The following ZNF175 variants were observed in gnomAD, a reference collection of about 807,000 sequenced individuals.
ZNF175 encodes the protein zinc finger protein OTK18.
A neutral mutation model predicts 14.0 loss-of-function variants in ZNF175; 8 were observed. The ratio of observed to expected loss-of-function variants is 0.57; its 90% confidence interval spans 0.34 to 1.03. ZNF175 has a LOEUF of 1.03. Ranked by LOEUF, ZNF175 falls within the 50% of genes least tolerant of loss-of-function variation. The pLI, the probability that ZNF175 is intolerant of heterozygous loss-of-function variation, is 0.03. For synonymous variants in ZNF175, 255 were observed against 296.8 expected, an observed-to-expected ratio of 0.86 and a Z score of 1.45; for missense variants, 764 against 849.5, an observed-to-expected ratio of 0.90 and a Z score of 1.25.
chr19:51,573,413 C>A lies in ZNF175; in HGVS notation c.72+12C>A. On this transcript the variant is annotated intron_variant, in intron 2 of 4. Transcript: ENST00000262259. Reference sequence around the variant, plus strand: ...ATGGATCTTGCGAGGTAAACAGGGGCAGCCCTGGGGATAGTTCTCCAGAAC... The same window carrying A: ...ATGGATCTTGCGAGGTAAACAGGGGAAGCCCTGGGGATAGTTCTCCAGAAC... 1 of 1,612,646 alleles carries A rather than the reference C, an allele frequency of 6.2e-7. No homozygotes were observed. The highest frequency in any genetic ancestry group is 1.3e-5 in the African/African-American group (1 of 74,914).
chr19:51,587,725 A>C lies in ZNF175; in HGVS notation c.1394A>C (p.His465Pro). The C allele has an allele frequency of 1.9e-6, 3 of 1,614,214 alleles. No individual in the cohort carries two copies. Among genetic ancestry groups the C allele is most frequent in the Non-Finnish European group, 2.5e-6 (3 of 1,180,026 alleles). Reference sequence around the variant, plus strand: ...ATCCAGAAGGCACACCTGATTGTCCATCAAAGAAGCCACACAGGAGAAAAA... The same window carrying C: ...ATCCAGAAGGCACACCTGATTGTCCCTCAAAGAAGCCACACAGGAGAAAAA... The part of the protein sequence containing the change: ...AFIQKAHLIV[H>P]QRSHTGEKPY... Residue 465 changes from histidine (H) to proline (P), a missense_variant, in exon 5 of 5, where the codon CAT becomes CCT. By Grantham distance (77) the His-to-Pro change is moderately conservative. Transcript: ENST00000262259.
In ZNF175 at chr19:51,586,838, A is replaced by T; in HGVS notation, c.507A>T (p.Thr169=). 6.2e-7 allele frequency: 1 copy of T among 1,614,224 alleles called. No homozygotes were observed. Among genetic ancestry groups the T allele is most frequent in the South Asian group, 1.1e-5 (1 of 91,086 alleles). ...TCTTCAACAAGAAAACATTGAACAC[A>T]GAAAGCAATTGTGAATATAAGGACC... The part of the protein sequence containing the change: ...SAFFNKKTLN[T]ESNCEYKDPG... Residue 169 remains threonine, a synonymous_variant, in exon 5 of 5, where the codon ACA becomes ACT. Coordinates refer to ENST00000262259, the MANE Select transcript of ZNF175 (RefSeq NM_007147.4).
At position 51,588,539 on chromosome 19, in the gene ZNF175, G is replaced by T. The variant is rs79610814; in HGVS notation, c.*72G>T. On this transcript the variant is annotated 3_prime_UTR_variant, in exon 5 of 5. Coordinates refer to ENST00000262259, the MANE Select transcript of ZNF175 (RefSeq NM_007147.4). Reference sequence around the variant, plus strand: ...TCTTGAAGAAGAGAAAATCTTCTCAGAATCAGGTCTAATTATATGTTATTG... The same window carrying T: ...TCTTGAAGAAGAGAAAATCTTCTCATAATCAGGTCTAATTATATGTTATTG... 0.015 allele frequency: 22,023 copies of T among 1,454,000 alleles called. 796 individuals are homozygous for T. The highest frequency in any genetic ancestry group is 0.15 in the East Asian group (6,372 of 43,236). 90.1% of individuals were successfully genotyped at this position (1,454,000 alleles called of 1,614,324 possible).
At position 51,588,914 on chromosome 19, in the gene ZNF175, C is replaced by A. The variant is rs187167405; in HGVS notation, c.*447C>A. ...GGACAATATTTTATGTGTGTGTGTG[C>A]GCCTTATGTATATAAGCATATATAT... On this transcript the variant is annotated 3_prime_UTR_variant, in exon 5 of 5. Transcript: ENST00000262259. 4 of 392,578 alleles carry A rather than the reference C, an allele frequency of 1.0e-5. No homozygotes were observed. Among genetic ancestry groups the A allele is most frequent in the African/African-American group, 2.1e-5 (1 of 48,336 alleles). The allele number at this position is 392,578 out of a possible 1,614,324, so 24.3% of individuals were successfully genotyped here.
rs60314341 is a variant in ZNF175, at chr19:51,572,621, G to A, written c.-180-529G>A. On this transcript the variant is annotated intron_variant, in intron 1 of 4. Coordinates refer to ENST00000262259, the MANE Select transcript of ZNF175 (RefSeq NM_007147.4). ...TGGCCACGTATGGGTACATGAGATA[G>A]TGGAGACAGTGTACAGTTTAGAACA... 2.6e-3 allele frequency among the ~76,000 whole-genome samples: 401 copies of A among 152,296 alleles called. 16 individuals are homozygous for A. The East Asian group carries it at 0.046, about 17-fold the overall frequency.
At position 51,574,795 on chromosome 19, in the gene ZNF175, C is replaced by T. The variant is rs937765721; in HGVS notation, c.72+1394C>T. The stretch of plus-strand genomic sequence containing the variant: ...GTGTTCAGAACATCTTCAAGTTTAG[C>T]GTTTTAGGACACATGTTCAATATAA... On this transcript the variant is annotated intron_variant, in intron 2 of 4. Coordinates refer to ENST00000262259, the MANE Select transcript of ZNF175 (RefSeq NM_007147.4). Among the ~76,000 whole-genome samples, 8 of 152,176 alleles carry T rather than the reference C, an allele frequency of 5.3e-5. 1 individual carries two copies. Among genetic ancestry groups the T allele is most frequent in the Admixed American group, 3.3e-4 (5 of 15,282 alleles).
At position 51,588,606 on chromosome 19, in the gene ZNF175, T is replaced by C; in HGVS notation, c.*139T>C. 5 of 891,276 alleles carry C rather than the reference T, an allele frequency of 5.6e-6. No individual in the cohort carries two copies. Among genetic ancestry groups the C allele is most frequent in the Non-Finnish European group, 7.9e-6 (5 of 630,828 alleles). The allele number at this position is 891,276 out of a possible 1,614,324, so 55.2% of individuals were successfully genotyped here. A position where few individuals can be genotyped will look rare whatever the true frequency, so the allele number is the denominator to read the frequency against. ...AAACTCTAGGGATGCACTGCATGTG[T>C]GAACACATGATAAAAAAGTCATGCT... On this transcript the variant is annotated 3_prime_UTR_variant, in exon 5 of 5. Coordinates refer to ENST00000262259, the MANE Select transcript of ZNF175 (RefSeq NM_007147.4).
Position 51,575,208 on chromosome 19 carries a change from G to GTTTTTTTTTTTTTTTTTTT in ZNF175, c.72+1807_72+1808insTTTTTTTTTTTTTTTTTTT, listed in dbSNP as rs1491081799. On this transcript the variant is annotated intron_variant, in intron 2 of 4. Coordinates refer to ENST00000262259, the MANE Select transcript of ZNF175 (RefSeq NM_007147.4). ...GGTTTAGCCTCCGGATTTTTAGAGAGGTTTTTTTTTTTTTTTTTTTTTTTT... is the reference window on the plus strand; with the variant it reads ...GGTTTAGCCTCCGGATTTTTAGAGAGTTTTTTTTTTTTTTTTTTTGTTTTTTTTTTTTTTTTTTTTTTTT... Among the ~76,000 whole-genome samples the GTTTTTTTTTTTTTTTTTTT allele has an allele frequency of 7.1e-5, 7 of 99,202 alleles. 2 individuals carry two copies. Among genetic ancestry groups the GTTTTTTTTTTTTTTTTTTT allele is most frequent in the Non-Finnish European group, 1.2e-4 (6 of 52,136 alleles). 65.1% of individuals were successfully genotyped at this position (99,202 alleles called of 152,430 possible). A position where few individuals can be genotyped will look rare whatever the true frequency, so the allele number is the denominator to read the frequency against.
chr19:51,579,423 A>C (rs546812403), intron 2 of ZNF175, among the ~76,000 whole-genome samples: 8 of 151,740 alleles, frequency 5.3e-5, no homozygotes, highest in Admixed American at 2.6e-4. Flanking sequence ...TCTATCTCCC[A>C]AAAAAAATTT....
In ZNF175 at chr19:51,587,085, T is replaced by A. The variant is rs1227826191; in HGVS notation, c.754T>A (p.Cys252Ser). The A allele has an allele frequency of 6.2e-7, 1 of 1,614,076 alleles. No individual in the cohort carries two copies. The change falls in exon 5 of 5, where the codon TGC (cysteine) becomes AGC (serine). Residue 252 changes from cysteine to serine, a missense_variant. Physicochemically the swap from Cys to Ser is moderately radical, Grantham distance 112. Coordinates refer to ENST00000262259, the MANE Select transcript of ZNF175 (RefSeq NM_007147.4). Reference protein sequence around the residue: ...SKNIHTGETFCKGNQCRKVCG... With the variant: ...SKNIHTGETFSKGNQCRKVCG... Reference sequence around the variant, plus strand: ...GAATATTCATACAGGAGAGACATTTTGCAAAGGTAACCAGTGTAGAAAAGT... The same window carrying A: ...GAATATTCATACAGGAGAGACATTTAGCAAAGGTAACCAGTGTAGAAAAGT...
Position 51,590,048 on chromosome 19 carries a change from T to G in ZNF175, c.*1581T>G, listed in dbSNP as rs1401044621. On this transcript the variant is annotated 3_prime_UTR_variant, in exon 5 of 5. Transcript: ENST00000262259. ...ACACGTGTATTCTATGAGGTTGACC[T>G]GCCATAATTTATTTAGCCATTCCCA... The G allele has an allele frequency of 1.3e-5, 2 of 154,964 alleles. No homozygotes were observed. Among genetic ancestry groups the G allele is most frequent in the African/African-American group, 4.8e-5 (2 of 41,548 alleles). 9.6% of individuals were successfully genotyped at this position (154,964 alleles called of 1,614,324 possible).
Position 51,586,787 on chromosome 19 carries a change from A to C in ZNF175, c.456A>C (p.Gln152His). Residue 152 changes from glutamine (Q) to histidine (H), a missense_variant, in exon 5 of 5, where the codon CAA becomes CAC. Physicochemically the swap from Gln to His is conservative, Grantham distance 24 (BLOSUM62 0). Coordinates refer to ENST00000262259, the MANE Select transcript of ZNF175 (RefSeq NM_007147.4). ...ADRTKKDEQN[Q>H]IQPMSHSAFF... ...GCACAAAGAAAGATGAGCAAAATCA[A>C]ATTCAACCCATGAGTCACAGTGCTT... 1 of 1,614,208 alleles carries C rather than the reference A, an allele frequency of 6.2e-7. No individual in the cohort carries two copies. Among genetic ancestry groups the C allele is most frequent in the Non-Finnish European group, 8.5e-7 (1 of 1,180,024 alleles).
chr19:51,587,499 C>T lies in ZNF175; in HGVS notation c.1168C>T (p.Leu390Phe), dbSNP rs1372929134. 1.2e-6 allele frequency: 2 copies of T among 1,614,212 alleles called. No individual in the cohort carries two copies. Among genetic ancestry groups the T allele is most frequent in the Admixed American group, 3.3e-5 (2 of 60,030 alleles). ...TCAGAGAACTCACAGTAGAGAAAAACTCTATGAATGCAGTGAATGTGGCAA... is the reference window on the plus strand; with the variant it reads ...TCAGAGAACTCACAGTAGAGAAAAATTCTATGAATGCAGTGAATGTGGCAA... ...RHQRTHSREK[L>F]YECSECGKGF... is the part of the protein sequence containing the mutation. The change falls in exon 5 of 5, where the codon CTC becomes TTC. Residue 390 changes from leucine to phenylalanine, a missense_variant. By Grantham distance (22) the Leu-to-Phe change is conservative. Coordinates refer to ENST00000262259, the MANE Select transcript of ZNF175 (RefSeq NM_007147.4).
At chr19:51,580,842 C>G (rs1012381364) in intron 2 of ZNF175, among the ~76,000 whole-genome samples, 20 of 152,190 alleles carry the variant, frequency 1.3e-4, no homozygotes, top group Admixed American at 3.9e-4. Context: ...CATCACAGTT[C>G]TTACTTCCAG....
intron 1 of ZNF175, among the ~76,000 whole-genome samples, chr19:51,571,834 G>GATC (rs1487238019): frequency 1.3e-5 from 2 of 152,180 alleles, no homozygotes; most frequent in Non-Finnish European, 2.9e-5. Context: ...GGACTTTGAG[G>GATC]ATCACACTGT....
At chr19:51,579,891 A>G (rs1348092294) in intron 2 of ZNF175, among the ~76,000 whole-genome samples, 1 of 152,192 alleles carries the variant, frequency 6.6e-6, no homozygotes, top group Non-Finnish European at 1.5e-5. Flanking sequence ...AGTATAAAAT[A>G]TATGCTGACT....
Position 51,589,052 on chromosome 19 carries a change from T to G in ZNF175, c.*585T>G, listed in dbSNP as rs1600088245. The G allele has an allele frequency of 1.3e-5, 3 of 238,360 alleles. No homozygotes were observed. In the East Asian group the frequency reaches 2.4e-4, roughly 19 times the overall value. The allele number at this position is 238,360 out of a possible 1,614,324, so 14.8% of individuals were successfully genotyped here. ...CAGATTTTGGAATATTTGCATTATATTTATTGGTTGAGCATCCCTAATCTG... is the reference window on the plus strand; with the variant it reads ...CAGATTTTGGAATATTTGCATTATAGTTATTGGTTGAGCATCCCTAATCTG... On this transcript the variant is annotated 3_prime_UTR_variant, in exon 5 of 5. Transcript: ENST00000262259.
chr19:51,588,526 G>GA lies in ZNF175; in HGVS notation c.*63dup. The GA allele has an allele frequency of 6.7e-7, 1 of 1,482,006 alleles. No homozygotes were observed. Among genetic ancestry groups the GA allele is most frequent in the Non-Finnish European group, 8.9e-7 (1 of 1,120,082 alleles). 91.8% of individuals were successfully genotyped at this position (1,482,006 alleles called of 1,614,324 possible). On this transcript the variant is annotated 3_prime_UTR_variant, in exon 5 of 5. Transcript: ENST00000262259. ...TATACTCCGAGTTTCTTGAAGAAGA[G>GA]AAAATCTTCTCAGAATCAGGTCTAA...
Position 51,587,048 on chromosome 19 carries a change from T to A in ZNF175, c.717T>A (p.Asp239Glu). Residue 239 changes from aspartate (D) to glutamate (E), a missense_variant, in exon 5 of 5, where the codon GAT (aspartate) becomes GAA (glutamate). By Grantham distance (45) the Asp-to-Glu change is conservative. Coordinates refer to ENST00000262259, the MANE Select transcript of ZNF175 (RefSeq NM_007147.4). ...AGCTATTCAGCCATAGCTCTTCTGA[T>A]GCCTGCAGCAAGAATATTCATACAG... ...SGQLFSHSSS[D>E]ACSKNIHTGE... 1 of 1,614,234 alleles carries A rather than the reference T, an allele frequency of 6.2e-7. No homozygotes were observed. The highest frequency in any genetic ancestry group is 8.5e-7 in the Non-Finnish European group (1 of 1,180,030).
Sources: allele counts gnomAD v4.1 joint callset (sites outside exome capture counted in the v4.1 genomes callset), GRCh38; gene constraint gnomAD v4.1.1; transcripts MANE v1.5; gene names NCBI Gene and HGNC (gene_info 2026-07-23, HGNC 2026-07-21).